Variants in KLHL2 observed in about 807,000 individuals in gnomAD.
KLHL2 encodes the protein kelch like family member 2.
In KLHL2, 15 loss-of-function variants were observed where a neutral mutation model predicts 75.8. That is an observed-to-expected ratio of 0.20 (90% CI 0.13 to 0.30). KLHL2 has a LOEUF of 0.30. Among genes scored for constraint, KLHL2 ranks in the 10% least tolerant of loss-of-function variants. The pLI is 1.00. For missense variants in KLHL2, 381 were observed against 741.0 expected (o/e 0.51, Z 5.64); for synonymous variants, 214 against 251.9 (o/e 0.85, Z 1.42).
intron 5 of KLHL2, among the ~76,000 whole-genome samples, chr4:165,264,749 T>TATATATATATATAA (rs1742089543): frequency 1.4e-5 from 1 of 73,722 alleles, no homozygotes; most frequent in South Asian, 3.7e-4. Flanking sequence ...TGTATATATA[T>TATATATATATATAA]ATATATATAT....
At chr4:165,282,478 C>T (rs1743767880) in intron 5 of KLHL2, among the ~76,000 whole-genome samples, 1 of 152,030 alleles carries the variant, frequency 6.6e-6, no homozygotes, top group Non-Finnish European at 1.5e-5. Flanking sequence ...AGGTGATTAT[C>T]CTGTTCTGTT....
chr4:165,263,805 GTTTTTTTTTT>G (rs55901119), intron 5 of KLHL2, among the ~76,000 whole-genome samples: 2,623 of 66,806 alleles, frequency 0.039, 55 homozygotes, highest in Non-Finnish European at 0.056. Context: ...TTTTTACATT[GTTTTTTTTTT>G]TTTTTTTTTT....
intron 4 of KLHL2, among the ~76,000 whole-genome samples, chr4:165,253,182 C>T (rs560917317): frequency 6.6e-6 from 1 of 152,166 alleles, no homozygotes; most frequent in Admixed American, 6.5e-5. Flanking sequence ...TTACAGGCAC[C>T]CACCACCATG....
chr4:165,277,789 A>T (rs1194329441), intron 5 of KLHL2: 61 of 617,198 alleles, frequency 9.9e-5, no homozygotes, highest in Admixed American at 5.3e-5. Context: ...ACACACACCA[A>T]ATATTTCTAT....
chr4:165,264,682 ATGTGTGTGTG>A (rs760543186), intron 5 of KLHL2, among the ~76,000 whole-genome samples: 49 of 68,706 alleles, frequency 7.1e-4, no homozygotes, highest in Non-Finnish European at 1.1e-4. Flanking sequence ...ACGTATATGT[ATGTGTGTGTG>A]TGTGTGTGTG....
chr4:165,285,595 C>T (rs897850628), intron 5 of KLHL2, among the ~76,000 whole-genome samples: 3 of 151,924 alleles, frequency 2.0e-5, no homozygotes, highest in Non-Finnish European at 2.9e-5. Flanking sequence ...TTAGTAGAGA[C>T]GGGGTTTCAT....
rs56079802 is a variant in KLHL2 at position 165,277,748 on chromosome 4, A to AACACACACACAC, written c.544+14416_544+14427dup. ...CCCAACCTTAACTGTGGATGTTAAA[A>AACACACACACAC]ACACACACACACACACACACACACA... On this transcript the variant is annotated intron_variant, in intron 5 of 14. Coordinates refer to ENST00000226725, the MANE Select transcript of KLHL2 (RefSeq NM_007246.4). 2.2e-3 allele frequency: 1,172 copies of AACACACACACAC among 534,298 alleles called. 2 individuals are homozygous for AACACACACACAC. The highest frequency in any genetic ancestry group is 5.0e-3 in the African/African-American group (252 of 50,396). 33.1% of individuals were successfully genotyped at this position (534,298 alleles called of 1,614,324 possible).
At chr4:165,244,788 C>T (rs1740117565) in intron 4 of KLHL2, among the ~76,000 whole-genome samples, 2 of 152,122 alleles carry the variant, frequency 1.3e-5, no homozygotes, top group African/African-American at 4.8e-5. Context: ...GGAGCTTGAG[C>T]CAGGGATGAA....
chr4:165,295,978 C>T (rs1297420929), intron 6 of KLHL2, among the ~76,000 whole-genome samples: 1 of 152,202 alleles, frequency 6.6e-6, no homozygotes, highest in East Asian at 1.9e-4. Flanking sequence ...GAGGGCTGTT[C>T]TGGTTTTCTG....
Position 165,305,785 on chromosome 4 carries a change from A to G in KLHL2, c.1039+60A>G, listed in dbSNP as rs1745683081. ...CTGGGTCATTGGGAGCTTCTTTTTC[A>G]GGTCTTATTTTATTAATTAGAAAAA... On this transcript the variant is annotated intron_variant, in intron 9 of 14. Coordinates refer to ENST00000226725, the MANE Select transcript of KLHL2 (RefSeq NM_007246.4). The G allele has an allele frequency of 3.5e-6, 4 of 1,127,236 alleles. No homozygotes were observed. The South Asian group carries it at 4.0e-5, about 11-fold the overall frequency. The allele number at this position is 1,127,236 out of a possible 1,614,324, so 69.8% of individuals were successfully genotyped here.
At chr4:165,305,061 A>AG (rs2126539465) in intron 8 of KLHL2, among the ~76,000 whole-genome samples, 1 of 152,298 alleles carries the variant, frequency 6.6e-6, no homozygotes, top group East Asian at 1.9e-4. Flanking sequence ...GCATCAGGAA[A>AG]GGTCTCTACT....
intron 2 of KLHL2, among the ~76,000 whole-genome samples, chr4:165,223,609 G>A (rs1382580345): frequency 6.6e-6 from 1 of 152,210 alleles, no homozygotes; most frequent in East Asian, 1.9e-4. Flanking sequence ...GGCTTGAATA[G>A]TATGATGAAT....
At chr4:165,310,409 G>A in intron 9 of KLHL2, 144 bp from the exon 10 acceptor site, 2 of 689,358 alleles carry the variant, frequency 2.9e-6, no homozygotes, top group Non-Finnish European at 5.2e-6. Context: ...CAAATGAATA[G>A]CATTTTCAAG....
In KLHL2 at chr4:165,274,765, AAATT is replaced by A. The variant is rs558990407; in HGVS notation, c.544+11409_544+11412del. Among the ~76,000 whole-genome samples the A allele has an allele frequency of 3.2e-3, 487 of 152,368 alleles. 3 individuals are homozygous for A. The highest frequency in any genetic ancestry group is 3.9e-3 in the Non-Finnish European group (264 of 68,040). The stretch of plus-strand genomic sequence containing the variant: ...ATTAAATTGTACAGGTATAATGAAA[AAATT>A]AACAGTGTTCCATGGAGATCTCTTC... On this transcript the variant is annotated intron_variant, in intron 5 of 14. Transcript: ENST00000226725.
intron 3 of KLHL2, among the ~76,000 whole-genome samples, chr4:165,232,205 C>T (rs921645847): frequency 1.7e-4 from 26 of 151,660 alleles, no homozygotes; most frequent in Middle Eastern, 3.2e-3. Context: ...AGGTGGATCA[C>T]GAGGTCAGGA....
At chr4:165,239,899 T>TTA (rs35902341) in intron 4 of KLHL2, among the ~76,000 whole-genome samples, 5,567 of 152,286 alleles carry the variant, frequency 0.037, 206 homozygotes, top group East Asian at 0.1. Flanking sequence ...AATACTATAC[T>TTA]TGTTCTGAAA....
At chr4:165,222,686 TA>T (rs998140348) in intron 2 of KLHL2, among the ~76,000 whole-genome samples, 1 of 151,740 alleles carries the variant, frequency 6.6e-6, no homozygotes, top group East Asian at 1.9e-4. Context: ...AGTAATTCTT[TA>T]AAAAAAAATC....
chr4:165,238,942 A>G (rs377590493), intron 4 of KLHL2, 43 bp downstream of exon 4: 17 of 1,567,992 alleles, frequency 1.1e-5, no homozygotes, highest in Middle Eastern at 1.7e-4. Context: ...TTATGCATAC[A>G]GTTTTTTTAA....
rs541706362 is a variant in KLHL2, at chr4:165,229,464, T to C, written c.259+551T>C. ...TCTCATTCTTTTTTAAAATATACTG[T>C]ACAAAGAAACGAAGTTTTTATCTGT... On this transcript the variant is annotated intron_variant, in intron 3 of 14. Coordinates refer to ENST00000226725, the MANE Select transcript of KLHL2 (RefSeq NM_007246.4). Among the ~76,000 whole-genome samples, 3 of 152,360 alleles carry C rather than the reference T, an allele frequency of 2.0e-5. No individual in the cohort carries two copies. In the South Asian group the frequency reaches 6.2e-4, roughly 32 times the overall value.
Sources: gnomAD v4.1 joint callset for allele counts (sites outside exome capture counted in the v4.1 genomes callset) on GRCh38, gnomAD v4.1.1 for gene constraint, MANE v1.5 for transcripts, NCBI Gene and HGNC (gene_info 2026-07-23, HGNC 2026-07-21) for gene names.